GTPBP1: variants seen among roughly 807,000 people sequenced by gnomAD.
GTPBP1 encodes the protein GTP-binding protein 1.
GTPBP1 carries 23 observed loss-of-function variants against 62.0 expected under a neutral mutation model. The observed-to-expected ratio is 0.37, with a 90% CI of 0.27 to 0.53. The LOEUF (loss-of-function observed/expected upper bound fraction) is 0.53. GTPBP1 is among the 20% of genes least tolerant of loss of function. The pLI is 0.89. For missense variants in GTPBP1, 640 were observed against 917.3 expected (o/e 0.70, Z 3.90); for synonymous variants, 344 against 364.4 (o/e 0.94, Z 0.64).
intron 5 of GTPBP1, 139 bp from the exon 6 acceptor site, chr22:38,724,153 TCCAGG>T: frequency 9.9e-6 from 6 of 603,102 alleles, no homozygotes; most frequent in Admixed American, 8.3e-5. Context: ...TTTTTGCTTC[TCCAGG>T]CATTGTGGCA....
rs2092766321 is a variant in GTPBP1, at chr22:38,732,521, G to A, written c.*1817G>A. 6.6e-6 allele frequency: 1 copy of A among 152,218 alleles called. No individual in the cohort carries two copies. The highest frequency in any genetic ancestry group is 1.5e-5 in the Non-Finnish European group (1 of 68,046). The allele number at this position is 152,218 out of a possible 1,614,324, so 9.4% of individuals were successfully genotyped here. A position where few individuals can be genotyped will look rare whatever the true frequency, so the allele number is the denominator to read the frequency against. ...TGGATTCAGAGAATGTGAGGCCCTG[G>A]GGTGTCCTACACAAGGGAAAGGCTT... is the stretch of plus-strand genomic sequence containing the variant. On this transcript the variant is annotated 3_prime_UTR_variant, in exon 12 of 12. Transcript: ENST00000216044.
intron 10 of GTPBP1, chr22:38,729,111 C>T (rs888571360): frequency 1.2e-4 from 22 of 180,500 alleles, no homozygotes; most frequent in Admixed American, 2.5e-4. Context: ...TGTGCAGGCT[C>T]TGGGCTCTGG....
At chr22:38,711,814 A>C (rs1450496867) in intron 2 of GTPBP1, among the ~76,000 whole-genome samples, 1 of 152,078 alleles carries the variant, frequency 6.6e-6, no homozygotes, top group African/African-American at 2.4e-5. Flanking sequence ...GTGAGACTCT[A>C]TCTCTAAAGA....
Position 38,730,556 on chromosome 22 carries a change from C to G in GTPBP1, c.1918-56C>G, listed in dbSNP as rs1418930241. On this transcript the variant is annotated intron_variant, in intron 11 of 11. Coordinates refer to ENST00000216044, the MANE Select transcript of GTPBP1 (RefSeq NM_004286.5). The surrounding 1 kb of genome is among the most constrained non-coding windows in gnomAD (Gnocchi z 5.6). ...CTCCCCGCTGCTCAGCACCTCTGCT[C>G]TCTGGCCCTGCTCCTGATGGGCCAG... The G allele has an allele frequency of 1.7e-6, 2 of 1,195,716 alleles. No homozygotes were observed. Among genetic ancestry groups the G allele is most frequent in the Non-Finnish European group, 2.5e-6 (2 of 810,250 alleles). The allele number at this position is 1,195,716 out of a possible 1,614,324, so 74.1% of individuals were successfully genotyped here. A position where few individuals can be genotyped will look rare whatever the true frequency, so the allele number is the denominator to read the frequency against.
In GTPBP1 at chr22:38,716,759, G is replaced by A. The variant is rs748642617; in HGVS notation, c.593G>A (p.Arg198His). The change falls in exon 4 of 12, where the codon CGC becomes CAC. Residue 198 changes from arginine to histidine, a missense_variant. Physicochemically the swap from Arg to His is conservative, Grantham distance 29 (BLOSUM62 0). Coordinates refer to ENST00000216044, the MANE Select transcript of GTPBP1 (RefSeq NM_004286.5). This position sits in a 1 kb window ranked among gnomAD's most constrained non-coding sequence, Gnocchi z 5.2. ...GGCTTTGCCCGCCAGAAACTCTTCC[G>A]CCACAAACATGAAATTGAATCTGGT... Reference protein sequence around the residue: ...GRGFARQKLFRHKHEIESGRT... With the variant: ...GRGFARQKLFHHKHEIESGRT... 4 of 1,614,096 alleles carry A rather than the reference G, an allele frequency of 2.5e-6. No homozygotes were observed. The highest frequency in any genetic ancestry group is 1.1e-5 in the South Asian group (1 of 91,072).
chr22:38,726,181 G>C lies in GTPBP1; in HGVS notation c.1218+31G>C, dbSNP rs763494965. ...TGGCTCTGGGCGGGTAGCTGGGTGG[G>C]CACTTCCTACAGTGGCATCAGGGGG... On this transcript the variant is annotated intron_variant, in intron 7 of 11. Coordinates refer to ENST00000216044, the MANE Select transcript of GTPBP1 (RefSeq NM_004286.5). The surrounding 1 kb of genome is among the most constrained non-coding windows in gnomAD (Gnocchi z 4.1). 44 of 1,608,882 alleles carry C rather than the reference G, an allele frequency of 2.7e-5. No homozygotes were observed. Among genetic ancestry groups the C allele is most frequent in the Admixed American group, 5.0e-5 (3 of 59,888 alleles).
At chr22:38,742,240 C>T, downstream of GTPBP1, 4 of 1,518,812 alleles carry the variant, frequency 2.6e-6, no homozygotes, top group Non-Finnish European at 3.5e-6. Context: ...TGCTGCTGGG[C>T]ACCTTCACGC....
intron 2 of GTPBP1, among the ~76,000 whole-genome samples, chr22:38,713,724 C>T (rs1486981831): frequency 1.3e-5 from 2 of 152,178 alleles, no homozygotes; most frequent in African/African-American, 4.8e-5. Context: ...TAAAAGGGAA[C>T]AGTAATGCCT....
At chr22:38,717,651 GT>G (rs1473556871) in intron 4 of GTPBP1, among the ~76,000 whole-genome samples, 1 of 152,226 alleles carries the variant, frequency 6.6e-6, no homozygotes, top group Non-Finnish European at 1.5e-5. Context: ...ACCAAAAAGT[GT>G]TTAAGCAGCT....
downstream of GTPBP1, chr22:38,740,507 AC>A (rs1447752883): frequency 2.5e-5 from 34 of 1,386,058 alleles, no homozygotes; most frequent in Non-Finnish European, 2.7e-5. The surrounding 1 kb of genome is among the most constrained non-coding windows in gnomAD (Gnocchi z 4.8). Context: ...ATGAAAGAGG[AC>A]CCCCTAGTGG....
At chr22:38,707,986 A>G (rs986558632) in intron 1 of GTPBP1, among the ~76,000 whole-genome samples, 5 of 152,238 alleles carry the variant, frequency 3.3e-5, no homozygotes, top group African/African-American at 9.6e-5. Flanking sequence ...GGCTAGTTTC[A>G]TCCAACAAGG....
In GTPBP1 at chr22:38,720,906, TTTG is replaced by T. The variant is rs149097112; in HGVS notation, c.835-824_835-822del. ...CAGTGATGTTAAGTTGAATCCACTTTTTGTTGTTGTTGTTTATGAGACACAGTC... is the reference window on the plus strand; with the variant it reads ...CAGTGATGTTAAGTTGAATCCACTTTTTGTTGTTGTTTATGAGACACAGTC... On this transcript the variant is annotated intron_variant, in intron 4 of 11. Coordinates refer to ENST00000216044, the MANE Select transcript of GTPBP1 (RefSeq NM_004286.5). 5.7e-3 allele frequency among the ~76,000 whole-genome samples: 872 copies of T among 152,310 alleles called. 5 individuals carry two copies. The highest frequency in any genetic ancestry group is 0.02 in the African/African-American group (833 of 41,552).
In GTPBP1 at chr22:38,727,267, C is replaced by A; in HGVS notation, c.1456C>A (p.Pro486Thr). ...GMVMVSPRLNPQASWEFEAEI... is the reference protein window; with the variant it reads ...GMVMVSPRLNTQASWEFEAEI... The stretch of plus-strand genomic sequence containing the variant: ...GGTGATGGTTTCCCCACGTTTGAAT[C>A]CCCAAGCCTCCTGGGAGTTTGAGGC... Residue 486 changes from proline (P) to threonine (T), a missense_variant, in exon 9 of 12, where the codon CCC becomes ACC. By Grantham distance (38) the Pro-to-Thr change is conservative. Transcript: ENST00000216044. This position sits in a 1 kb window ranked among gnomAD's most constrained non-coding sequence, Gnocchi z 6.5. 6.2e-7 allele frequency: 1 copy of A among 1,603,158 alleles called. No individual in the cohort carries two copies. Among genetic ancestry groups the A allele is most frequent in the Non-Finnish European group, 8.5e-7 (1 of 1,174,622 alleles).
downstream of GTPBP1, chr22:38,741,419 C>T (rs2145969087): frequency 2.1e-5 from 31 of 1,460,914 alleles, no homozygotes; most frequent in East Asian, 2.3e-4. Flanking sequence ...TTGGAAGGGC[C>T]GAGGGGTCCG....
chr22:38,708,703 G>C, intron 1 of GTPBP1, 142 bp from the exon 2 acceptor site: 3 of 611,226 alleles, frequency 4.9e-6, no homozygotes, highest in Non-Finnish European at 8.9e-6. Flanking sequence ...GAAGCAGAGA[G>C]GGCATGAAGG....
In GTPBP1 at chr22:38,716,467, A is replaced by G. The variant is rs564604531; in HGVS notation, c.486-185A>G. Among the ~76,000 whole-genome samples the G allele has an allele frequency of 6.6e-6, 1 of 152,092 alleles. No homozygotes were observed. The highest frequency in any genetic ancestry group is 1.9e-4 in the East Asian group (1 of 5,158). On this transcript the variant is annotated intron_variant, in intron 3 of 11. Transcript: ENST00000216044. This position sits in a 1 kb window ranked among gnomAD's most constrained non-coding sequence, Gnocchi z 5.2. ...CGCTGTGGGAGTCTGGGCCCTTCTG[A>G]TGACTCTACAGCAGCAGCTCTAGGA...
At chr22:38,713,554 G>A (rs55715100) in intron 2 of GTPBP1, among the ~76,000 whole-genome samples, 10,983 of 152,212 alleles carry the variant, frequency 0.072, 542 homozygotes, top group Non-Finnish European at 0.1. Flanking sequence ...ACTGGACTGA[G>A]GAGACTGGTG....
At chr22:38,723,657 C>T (rs1252598805) in intron 5 of GTPBP1, among the ~76,000 whole-genome samples, 2 of 152,232 alleles carry the variant, frequency 1.3e-5, no homozygotes, top group Non-Finnish European at 2.9e-5. Context: ...CTTCTGGTTC[C>T]AAATGCAGAA....
At chr22:38,741,086 C>T, downstream of GTPBP1, 2 of 1,575,792 alleles carry the variant, frequency 1.3e-6, no homozygotes, top group Non-Finnish European at 1.7e-6. Context: ...AAGAAATACT[C>T]ATCTCAGAAA....
Sources: gnomAD v4.1 joint callset for allele counts (sites outside exome capture counted in the v4.1 genomes callset) on GRCh38, gnomAD v4.1.1 for gene constraint, Gnocchi (gnomAD v3.1) non-coding constraint, MANE v1.5 for transcripts, NCBI Gene and HGNC (gene_info 2026-07-23, HGNC 2026-07-21) for gene names.